The following CCDC148 variants were observed in gnomAD, a reference collection of about 807,000 sequenced individuals.
CCDC148 encodes the protein coiled-coil domain-containing protein 148.
CCDC148 carries 89 observed loss-of-function variants against 85.7 expected under a neutral mutation model. The ratio of observed to expected loss-of-function variants is 1.04; its 90% CI spans 0.87 to 1.24. The LOEUF is 1.24. Among genes scored for constraint, CCDC148 ranks in the 50% most tolerant of loss-of-function variants. The pLI, the probability that CCDC148 is intolerant of heterozygous loss-of-function variation, is 0.00. For synonymous variants in CCDC148, 230 were observed against 213.9 expected (o/e 1.08, Z -0.66); for missense variants, 692 against 671.7 (o/e 1.03, Z -0.33).
intron 1 of CCDC148, among the ~76,000 whole-genome samples, chr2:158,448,426 C>A (rs111430430): frequency 0.11 from 17,068 of 151,904 alleles, 1,048 homozygotes; most frequent in Middle Eastern, 0.15. Flanking sequence ...CAGCTCACTG[C>A]AGCCTTGACT....
chr2:158,340,508 A>G (rs1682627610), intron 4 of CCDC148, 90 bp downstream of exon 4: 3 of 1,401,712 alleles, frequency 2.1e-6, no homozygotes, highest in Admixed American at 4.3e-5. Context: ...AACAAATGGC[A>G]GTTAATATTA....
At position 158,387,592 on chromosome 2, in the gene CCDC148, C is replaced by T. The variant is rs571244291; in HGVS notation, c.26-29022G>A. Among the ~76,000 whole-genome samples, 16 of 152,232 alleles carry T rather than the reference C, an allele frequency of 1.1e-4. No individual in the cohort carries two copies. The South Asian group carries it at 3.3e-3, about 32-fold the overall frequency. ...TTCACTCACATGAGCTACAATATTC[C>T]ATGGCAGATTCTACCCTTCCAAATA... is the stretch of plus-strand genomic sequence containing the variant. On this transcript the variant is annotated intron_variant, in intron 1 of 13. Transcript: ENST00000283233.
intron 2 of CCDC148, among the ~76,000 whole-genome samples, chr2:158,348,366 C>T (rs949031627): frequency 2.0e-5 from 3 of 151,420 alleles, no homozygotes; most frequent in Non-Finnish European, 4.4e-5. Flanking sequence ...CCAATTCAGA[C>T]TATAAGACAA....
chr2:158,238,061 G>T (rs1292216102), intron 10 of CCDC148, among the ~76,000 whole-genome samples: 2 of 152,130 alleles, frequency 1.3e-5, no homozygotes, highest in South Asian at 2.1e-4. Flanking sequence ...GGGACAAAAT[G>T]GTTCAAGAGG....
chr2:158,191,124 C>T (rs1685404798), intron 11 of CCDC148, among the ~76,000 whole-genome samples: 1 of 151,942 alleles, frequency 6.6e-6, no homozygotes, highest in South Asian at 2.1e-4. Context: ...GAACTGGGTT[C>T]CCTTCTTTAG....
chr2:158,328,698 C>T (rs562146177), intron 7 of CCDC148, among the ~76,000 whole-genome samples: 56 of 152,174 alleles, frequency 3.7e-4, no homozygotes, highest in African/African-American at 1.2e-3. Flanking sequence ...TTTTTAATGA[C>T]TGCCATTCTA....
At chr2:158,389,882 C>T (rs78828768) in intron 1 of CCDC148, among the ~76,000 whole-genome samples, 8,786 of 152,250 alleles carry the variant, frequency 0.058, 486 homozygotes, top group African/African-American at 0.15. Flanking sequence ...AGGCTTTGCA[C>T]TGGCTGCTGT....
chr2:158,352,684 T>C (rs1683385383), intron 2 of CCDC148, among the ~76,000 whole-genome samples: 1 of 151,906 alleles, frequency 6.6e-6, no homozygotes, highest in Admixed American at 6.6e-5. Context: ...TTCCCCAATC[T>C]AGCAAGGCAG....
chr2:158,350,180 A>G (rs1164863782), intron 2 of CCDC148, among the ~76,000 whole-genome samples: 7 of 152,208 alleles, frequency 4.6e-5, no homozygotes, highest in Non-Finnish European at 1.0e-4. Context: ...GTGCTGAGAA[A>G]TTATTGTTCC....
At chr2:158,251,023 A>C in intron 9 of CCDC148, 111 bp from the exon 10 acceptor site, 1 of 950,686 alleles carries the variant, frequency 1.1e-6, no homozygotes, top group Non-Finnish European at 1.5e-6. Context: ...TTTTCCAAAT[A>C]AATGTTTAAA....
chr2:158,353,576 G>C (rs1303749063), intron 2 of CCDC148, among the ~76,000 whole-genome samples: 7 of 151,892 alleles, frequency 4.6e-5, no homozygotes, highest in Middle Eastern at 3.2e-3. Flanking sequence ...GATTCATAAA[G>C]CAAGTCCTGA....
chr2:158,434,656 G>T (rs951926826), intron 1 of CCDC148, among the ~76,000 whole-genome samples: 30 of 152,140 alleles, frequency 2.0e-4, no homozygotes, highest in African/African-American at 7.0e-4. Context: ...CGAATCAGAC[G>T]ATCGGTAATA....
intron 9 of CCDC148, among the ~76,000 whole-genome samples, chr2:158,297,310 G>C (rs1691236625): frequency 6.6e-6 from 1 of 152,194 alleles, no homozygotes; most frequent in Non-Finnish European, 1.5e-5. Context: ...AATGACGTCA[G>C]AGTACAAATG....
At chr2:158,337,130 AT>A (rs1466692964) in intron 7 of CCDC148, among the ~76,000 whole-genome samples, 1 of 152,200 alleles carries the variant, frequency 6.6e-6, no homozygotes, top group African/African-American at 2.4e-5. Context: ...AAGAAGGAAA[AT>A]GGGCTGTGAA....
intron 10 of CCDC148, among the ~76,000 whole-genome samples, chr2:158,237,715 T>C (rs1310154456): frequency 6.6e-6 from 1 of 152,138 alleles, no homozygotes; most frequent in Non-Finnish European, 1.5e-5. Flanking sequence ...AAGGTATGAA[T>C]TGGTATTAGG....
intron 7 of CCDC148, among the ~76,000 whole-genome samples, chr2:158,334,045 C>A (rs891496849): frequency 3.3e-5 from 5 of 152,100 alleles, no homozygotes; most frequent in African/African-American, 1.2e-4. Flanking sequence ...CTGCCAGAAG[C>A]AAAAGGGAAT....
intron 1 of CCDC148, among the ~76,000 whole-genome samples, chr2:158,394,021 C>T (rs575864880): frequency 1.4e-4 from 21 of 152,020 alleles, no homozygotes; most frequent in Non-Finnish European, 2.8e-4. Flanking sequence ...CTTTGTAGAT[C>T]TCTTACTCTT....
chr2:158,432,851 A>T (rs957402833), intron 1 of CCDC148, among the ~76,000 whole-genome samples: 1 of 151,874 alleles, frequency 6.6e-6, no homozygotes, highest in Admixed American at 6.6e-5. Context: ...AGGTGGGCAG[A>T]TCACCTGAGG....
At chr2:158,417,349 T>C (rs557584881) in intron 1 of CCDC148, among the ~76,000 whole-genome samples, 6 of 152,318 alleles carry the variant, frequency 3.9e-5, no homozygotes, top group African/African-American at 9.6e-5. Context: ...ATCTCCTTCA[T>C]AGAACTCCTG....
Sources: gnomAD v4.1 joint callset for allele counts (sites outside exome capture counted in the v4.1 genomes callset) on GRCh38, gnomAD v4.1.1 for gene constraint, MANE v1.5 for transcripts, NCBI Gene and HGNC (gene_info 2026-07-23, HGNC 2026-07-21) for gene names.